Variants in FGF14 observed in about 807,000 individuals in gnomAD.
The protein encoded by FGF14 is fibroblast growth factor 14, also known as fibroblast growth factor homologous factor 4.
A neutral mutation model predicts 25.5 loss-of-function variants in FGF14; 5 were observed. The ratio of observed to expected loss-of-function variants is 0.20; its 90% CI spans 0.10 to 0.41. The LOEUF (loss-of-function observed/expected upper bound fraction) is 0.41. Among genes scored for constraint, FGF14 ranks in the 10% least tolerant of loss-of-function variants. FGF14 has a pLI of 1.00. For synonymous variants in FGF14, 138 were observed against 118.3 expected (o/e 1.17, Z -1.08); for missense variants, 222 against 320.1 (o/e 0.69, Z 2.34).
chr13:101,987,349 C>T (rs2038642558), intron 1 of FGF14, among the ~76,000 whole-genome samples: 1 of 152,046 alleles, frequency 6.6e-6, no homozygotes, highest in African/African-American at 2.4e-5. Flanking sequence ...TGCTCAGCAG[C>T]CTGCCTTTTT....
intron 3 of FGF14, 100 bp downstream of exon 3, chr13:101,868,615 AGGCAAAAACT>A (rs1242421655): frequency 1.3e-6 from 1 of 792,870 alleles, no homozygotes; most frequent in Non-Finnish European, 2.3e-6. Context: ...TCAAATACTA[AGGCAAAAACT>A]GGCAGAAACA....
intron 1 of FGF14, among the ~76,000 whole-genome samples, chr13:102,216,888 A>G (rs1434799673): frequency 6.6e-6 from 1 of 152,178 alleles, no homozygotes; most frequent in Non-Finnish European, 1.5e-5. Flanking sequence ...GATTCCACAT[A>G]TGAATGAGGT....
intron 1 of FGF14, among the ~76,000 whole-genome samples, chr13:102,358,541 C>T (rs2057478773): frequency 6.6e-6 from 1 of 152,150 alleles, no homozygotes; most frequent in African/African-American, 2.4e-5. Context: ...GATTTGAGGT[C>T]ATCAGTTAAT....
chr13:102,379,371 C>T (rs1291371177), intron 1 of FGF14, among the ~76,000 whole-genome samples: 2 of 151,798 alleles, frequency 1.3e-5, no homozygotes, highest in African/African-American at 2.4e-5. Flanking sequence ...TTATTCTCTA[C>T]ATTTGATTTA....
chr13:102,220,593 A>T (rs1484787361), intron 1 of FGF14, among the ~76,000 whole-genome samples: 3 of 152,228 alleles, frequency 2.0e-5, no homozygotes, highest in Non-Finnish European at 4.4e-5. Context: ...TCCCTGTCTA[A>T]TGCACAAAAG....
At chr13:102,049,880 C>T (rs2042146691) in intron 1 of FGF14, among the ~76,000 whole-genome samples, 1 of 152,146 alleles carries the variant, frequency 6.6e-6, no homozygotes, top group South Asian at 2.1e-4. Context: ...AGGCATCAAA[C>T]ATATTCTATT....
intron 3 of FGF14, among the ~76,000 whole-genome samples, chr13:101,862,587 C>A (rs2044479546): frequency 1.3e-5 from 2 of 152,102 alleles, no homozygotes; most frequent in Admixed American, 1.3e-4. Context: ...TTCTCAAATT[C>A]TTTTCCTTTC....
chr13:102,019,730 G>A (rs779948574), intron 1 of FGF14, among the ~76,000 whole-genome samples: 1 of 152,146 alleles, frequency 6.6e-6, no homozygotes, highest in Non-Finnish European at 1.5e-5. Flanking sequence ...TTCTCTTCAT[G>A]TTGTACTTGT....
At chr13:102,161,620 AAGAAGAAG>A (rs2047697369) in intron 1 of FGF14, among the ~76,000 whole-genome samples, 10 of 5,866 alleles carry the variant, frequency 1.7e-3, no homozygotes, top group Admixed American at 5.7e-3. Flanking sequence ...GAAGAAGAAG[AAGAAGAAG>A]AAGAAGAAGA....
rs925188849 is a variant in FGF14 at position 101,718,061 on chromosome 13, C to G, written c.*4770G>C. On this transcript the variant is annotated 3_prime_UTR_variant, in exon 5 of 5. Coordinates refer to ENST00000376143, the MANE Select transcript of FGF14 (RefSeq NM_004115.4). ...AATGTGATTCATCTAAAATTTTGGACAAAGATGAAAATATAGTCAGCTCTG... is the reference window on the plus strand; with the variant it reads ...AATGTGATTCATCTAAAATTTTGGAGAAAGATGAAAATATAGTCAGCTCTG... 3 of 151,990 alleles carry G rather than the reference C, an allele frequency of 2.0e-5. No individual in the cohort carries two copies. Among genetic ancestry groups the G allele is most frequent in the Non-Finnish European group, 4.4e-5 (3 of 67,998 alleles). 9.4% of individuals were successfully genotyped at this position (151,990 alleles called of 1,614,324 possible).
At chr13:102,389,227 G>C (rs564576639) in intron 1 of FGF14, among the ~76,000 whole-genome samples, 1 of 152,100 alleles carries the variant, frequency 6.6e-6, no homozygotes, top group East Asian at 1.9e-4. Context: ...AACCTTTATA[G>C]AATGTTTTAA....
In FGF14 at chr13:102,006,837, C is replaced by T. The variant is rs1045777401; in HGVS notation, c.209-131541G>A. On this transcript the variant is annotated intron_variant, in intron 1 of 4. Transcript: ENST00000376131. ...TCGGCTCACTGCAAGCTCCGCTTCC[C>T]GGGTTCACGCCATTCTCCTGCCTCA... is the stretch of plus-strand genomic sequence containing the variant. Among the ~76,000 whole-genome samples the T allele has an allele frequency of 8.2e-5, 12 of 145,892 alleles. 1 individual carries two copies. The highest frequency in any genetic ancestry group is 3.1e-4 in the African/African-American group (12 of 39,246).
chr13:102,001,979 G>T (rs1265305171), intron 1 of FGF14: 3 of 152,212 alleles, frequency 2.0e-5, no homozygotes, highest in African/African-American at 7.2e-5. Context: ...AGGCACTGCA[G>T]CTTACGCTTA....
rs147213015 is a variant in FGF14 at position 101,764,913 on chromosome 13, T to C, written c.409-38103A>G. Among the ~76,000 whole-genome samples the C allele has an allele frequency of 7.2e-4, 110 of 152,328 alleles. 2 individuals are homozygous for C. Among genetic ancestry groups the C allele is most frequent in the African/African-American group, 2.6e-3 (107 of 41,574 alleles). On this transcript the variant is annotated intron_variant, in intron 3 of 4. Transcript: ENST00000376143. ...ATTAGCATTTTAATATACCACTAAATGATAGTGATCCCACTGGGTTGAATA... is the reference window on the plus strand; with the variant it reads ...ATTAGCATTTTAATATACCACTAAACGATAGTGATCCCACTGGGTTGAATA...
At chr13:102,001,364 A>C (rs2039486193) in intron 1 of FGF14, among the ~76,000 whole-genome samples, 2 of 152,210 alleles carry the variant, frequency 1.3e-5, no homozygotes, top group African/African-American at 4.8e-5. Flanking sequence ...GATGCTCACC[A>C]AGAAAGCCTT....
chr13:101,768,128 T>C (rs1339985008), intron 3 of FGF14, among the ~76,000 whole-genome samples: 1 of 152,034 alleles, frequency 6.6e-6, no homozygotes, highest in Admixed American at 6.6e-5. Flanking sequence ...TAAGATAAAA[T>C]ATCTATTATT....
chr13:101,775,212 G>T (rs2039028798), intron 3 of FGF14, among the ~76,000 whole-genome samples: 1 of 152,052 alleles, frequency 6.6e-6, no homozygotes, highest in African/African-American at 2.4e-5. Context: ...AAAAATGTGT[G>T]TTCTAATAAA....
At chr13:101,781,751 G>A (rs923596494) in intron 3 of FGF14, among the ~76,000 whole-genome samples, 1 of 152,184 alleles carries the variant, frequency 6.6e-6, no homozygotes, top group Non-Finnish European at 1.5e-5. Flanking sequence ...TAACACAGAT[G>A]TAAAATAGTT....
At chr13:102,203,296 T>C (rs2049754300) in intron 1 of FGF14, among the ~76,000 whole-genome samples, 1 of 152,228 alleles carries the variant, frequency 6.6e-6, no homozygotes, top group Admixed American at 6.5e-5. Context: ...GCTTTGTAAA[T>C]ACATAGTCAT....
Sources: gnomAD v4.1 joint callset for allele counts (sites outside exome capture counted in the v4.1 genomes callset) on GRCh38, gnomAD v4.1.1 for gene constraint, MANE v1.5 for transcripts, NCBI Gene and HGNC (gene_info 2026-07-23, HGNC 2026-07-21) for gene names.